The following GRID1 variants were observed in gnomAD, a reference collection of about 807,000 sequenced individuals.
The protein encoded by GRID1 is glutamate ionotropic receptor delta type subunit 1, also known as glutamate receptor ionotropic, delta-1.
In GRID1, 28 loss-of-function variants were observed where a neutral mutation model predicts 98.0. The observed-to-expected ratio is 0.29, with a 90% CI of 0.21 to 0.39. GRID1 has a LOEUF of 0.39. GRID1 is among the 10% of genes least tolerant of loss of function. The pLI, the probability that GRID1 is intolerant of heterozygous loss-of-function variation, is 1.00. For synonymous variants in GRID1, 553 were observed against 538.5 expected, an observed-to-expected ratio of 1.03 and a Z score of -0.37; for missense variants, 1,111 against 1,340.5, an observed-to-expected ratio of 0.83 and a Z score of 2.67.
At chr10:86,149,817 C>G (rs1589388549) in intron 3 of GRID1, among the ~76,000 whole-genome samples, 2 of 152,312 alleles carry the variant, frequency 1.3e-5, no homozygotes, top group East Asian at 3.9e-4. Context: ...GGATAAAATT[C>G]CGCGGTGTTT....
rs977466795 is a variant in GRID1, at chr10:86,365,190, G to A, written c.80-1094C>T. On this transcript the variant is annotated intron_variant, in intron 1 of 15. Coordinates refer to ENST00000327946, the MANE Select transcript of GRID1 (RefSeq NM_017551.3). The surrounding 1 kb of genome is among the most constrained non-coding windows in gnomAD (Gnocchi z 4.8). ...AGCAGGTTTGGTCACGGGCCCCTGA[G>A]GAGGAATCGTAGCTCTCCGAGCCCA... Among the ~76,000 whole-genome samples, 1 of 152,096 alleles carries A rather than the reference G, an allele frequency of 6.6e-6. No individual in the cohort carries two copies. The highest frequency in any genetic ancestry group is 2.4e-5 in the African/African-American group (1 of 41,416).
At chr10:85,844,136 G>T (rs1001578235) in intron 8 of GRID1, among the ~76,000 whole-genome samples, 2 of 151,954 alleles carry the variant, frequency 1.3e-5, no homozygotes, top group Admixed American at 1.3e-4. Context: ...CTAGAAAATT[G>T]TGCCATTTTT....
At chr10:85,692,348 T>TA (rs1384420894) in intron 12 of GRID1, among the ~76,000 whole-genome samples, 4 of 151,944 alleles carry the variant, frequency 2.6e-5, no homozygotes, top group Non-Finnish European at 5.9e-5. Flanking sequence ...AAAATTCAAT[T>TA]AAATAAGTTC....
chr10:86,131,302 T>C (rs530888388), intron 4 of GRID1, among the ~76,000 whole-genome samples: 17 of 152,142 alleles, frequency 1.1e-4, no homozygotes, highest in African/African-American at 2.6e-4. Context: ...CTGAACACCC[T>C]TGGGGATCCG....
Position 85,812,962 on chromosome 10 carries a change from T to A in GRID1, c.1233+41534A>T, listed in dbSNP as rs534250426. Among the ~76,000 whole-genome samples the A allele has an allele frequency of 2.6e-3, 393 of 151,936 alleles. 4 individuals carry two copies. Among genetic ancestry groups the A allele is most frequent in the African/African-American group, 9.2e-3 (380 of 41,502 alleles). On this transcript the variant is annotated intron_variant, in intron 8 of 15. Coordinates refer to ENST00000327946, the MANE Select transcript of GRID1 (RefSeq NM_017551.3). ...AGCATGGTGGTAATGGCAGCATTGGTACCTAAAGTTAGCATGGAAACTCAT... is the reference window on the plus strand; with the variant it reads ...AGCATGGTGGTAATGGCAGCATTGGAACCTAAAGTTAGCATGGAAACTCAT...
intron 2 of GRID1, among the ~76,000 whole-genome samples, chr10:86,315,608 C>T (rs1847887295): frequency 6.6e-6 from 1 of 152,146 alleles, no homozygotes; most frequent in South Asian, 2.1e-4. Context: ...ATGCCTCCTT[C>T]CAGCCACATT....
chr10:86,092,907 A>G (rs977166815), intron 4 of GRID1, among the ~76,000 whole-genome samples: 1 of 152,230 alleles, frequency 6.6e-6, no homozygotes, highest in African/African-American at 2.4e-5. Context: ...TATACAGAAC[A>G]TTCAATCCAG....
chr10:85,813,757 T>G (rs1277907142), intron 8 of GRID1, among the ~76,000 whole-genome samples: 2 of 151,858 alleles, frequency 1.3e-5, no homozygotes, highest in Non-Finnish European at 3.0e-5. Flanking sequence ...CTTTTAAATG[T>G]GTGCAACTGA....
intron 12 of GRID1, among the ~76,000 whole-genome samples, chr10:85,672,195 G>A (rs778617526): frequency 1.3e-5 from 2 of 152,244 alleles, no homozygotes; most frequent in Non-Finnish European, 2.9e-5. Flanking sequence ...AAGCTTTGAA[G>A]AGCAGGTTGA....
At position 86,354,890 on chromosome 10, in the gene GRID1, ACCT is replaced by A. The variant is rs373080572; in HGVS notation, c.235+9048_235+9050del. 2.3e-4 allele frequency among the ~76,000 whole-genome samples: 35 copies of A among 152,076 alleles called. 1 individual carries two copies. The South Asian group carries it at 5.6e-3, about 24-fold the overall frequency. On this transcript the variant is annotated intron_variant, in intron 2 of 15. Transcript: ENST00000327946. ...CATATGAGCCATGTCGTCAACACTA[ACCT>A]CCTTCCCTGCTCTCTTGAGACACCC...
chr10:86,125,603 T>C (rs1844740718), intron 4 of GRID1, among the ~76,000 whole-genome samples: 1 of 152,202 alleles, frequency 6.6e-6, no homozygotes, highest in Non-Finnish European at 1.5e-5. Flanking sequence ...AGATTGGAAC[T>C]GTGAGGCTCC....
intron 12 of GRID1, among the ~76,000 whole-genome samples, chr10:85,710,957 AC>A: frequency 6.6e-6 from 1 of 152,192 alleles, no homozygotes; most frequent in East Asian, 1.9e-4. Context: ...AGACAAACAA[AC>A]AAAAAGCAGA....
At chr10:86,272,956 C>T (rs1433772625) in intron 2 of GRID1, among the ~76,000 whole-genome samples, 1 of 152,088 alleles carries the variant, frequency 6.6e-6, no homozygotes, top group Non-Finnish European at 1.5e-5. Flanking sequence ...TACATGTGCA[C>T]AATGTGCAGG....
intron 4 of GRID1, among the ~76,000 whole-genome samples, chr10:85,977,820 C>T (rs1842492574): frequency 1.3e-5 from 2 of 152,206 alleles, no homozygotes; most frequent in East Asian, 1.9e-4. Flanking sequence ...AAATGAAATC[C>T]TAAGCTGCTG....
chr10:86,226,132 C>T (rs1038776318), intron 2 of GRID1, among the ~76,000 whole-genome samples: 1 of 152,008 alleles, frequency 6.6e-6, no homozygotes, highest in East Asian at 1.9e-4. Flanking sequence ...AAGGACATCC[C>T]GGAAGACCTC....
chr10:86,112,983 G>C (rs1272832412), intron 4 of GRID1, among the ~76,000 whole-genome samples: 2 of 152,176 alleles, frequency 1.3e-5, no homozygotes, highest in African/African-American at 4.8e-5. Context: ...AAAGTACCAA[G>C]ACTCAGAAGC....
intron 5 of GRID1, among the ~76,000 whole-genome samples, chr10:85,885,352 G>C (rs554569690): frequency 6.6e-6 from 1 of 152,230 alleles, no homozygotes; most frequent in Non-Finnish European, 1.5e-5. Context: ...ATTCAGCCAG[G>C]GTATATGGCT....
At chr10:86,051,092 G>GTA (rs1056495635) in intron 4 of GRID1, among the ~76,000 whole-genome samples, 21 of 150,870 alleles carry the variant, frequency 1.4e-4, no homozygotes, top group Admixed American at 4.0e-4. Flanking sequence ...AAAAAAATGT[G>GTA]TATATATATA....
Position 86,206,346 on chromosome 10 carries a change from G to C in GRID1, c.520+18C>G, listed in dbSNP as rs761131939. ...CCCTGTCCCCAAGCAGCCCCAGCTC[G>C]CCTGCCGGACAACTCACCATACTCG... On this transcript the variant is annotated intron_variant, in intron 3 of 15. Transcript: ENST00000327946. The surrounding 1 kb of genome is among the most constrained non-coding windows in gnomAD (Gnocchi z 4.1). The C allele has an allele frequency of 6.4e-7, 1 of 1,573,970 alleles. No homozygotes were observed. The highest frequency in any genetic ancestry group is 1.3e-5 in the African/African-American group (1 of 74,626).
Sources: allele counts gnomAD v4.1 joint callset (sites outside exome capture counted in the v4.1 genomes callset), GRCh38; gene constraint gnomAD v4.1.1; non-coding constraint Gnocchi (gnomAD v3.1); transcripts MANE v1.5; gene names NCBI Gene and HGNC (gene_info 2026-07-23, HGNC 2026-07-21).